The following HCN2 variants were observed in gnomAD, a reference collection of about 807,000 sequenced individuals.
HCN2 encodes the protein hyperpolarization activated cyclic nucleotide gated potassium and sodium channel 2.
Under a neutral mutation model 52.3 loss-of-function variants are expected in HCN2, and 20 were observed. The ratio of observed to expected loss-of-function variants is 0.38; its 90% CI spans 0.27 to 0.56. The LOEUF (loss-of-function observed/expected upper bound fraction) is 0.56. Ranked by LOEUF, HCN2 falls within the 20% of genes least tolerant of loss-of-function variation. HCN2 has a pLI of 0.71. For missense variants in HCN2, 981 were observed against 1,207.7 expected, an observed-to-expected ratio of 0.81 and a Z score of 2.78; for synonymous variants, 694 against 537.0, an observed-to-expected ratio of 1.29 and a Z score of -4.04.
At position 616,971 on chromosome 19, in the gene HCN2, C is replaced by T; in HGVS notation, c.*497C>T. 4.3e-6 allele frequency: 2 copies of T among 460,846 alleles called. No individual in the cohort carries two copies. Among genetic ancestry groups the T allele is most frequent in the Non-Finnish European group, 8.0e-6 (2 of 250,434 alleles). The allele number at this position is 460,846 out of a possible 1,614,324, so 28.5% of individuals were successfully genotyped here. A position where few individuals can be genotyped will look rare whatever the true frequency, so the allele number is the denominator to read the frequency against. On this transcript the variant is annotated 3_prime_UTR_variant, in exon 8 of 8. Coordinates refer to ENST00000251287, the MANE Select transcript of HCN2 (RefSeq NM_001194.4). Reference sequence around the variant, plus strand: ...CCCCGGTGACCTCGGGGAGCAGCACCCCGCCTCCCTCCAGCACTGGCACCG... The same window carrying T: ...CCCCGGTGACCTCGGGGAGCAGCACTCCGCCTCCCTCCAGCACTGGCACCG...
chr19:615,661 C>T (rs1983868650), intron 7 of HCN2, 134 bp from the exon 8 acceptor site: 6 of 778,058 alleles, frequency 7.7e-6, no homozygotes, highest in East Asian at 2.6e-5. Context: ...TTATTGTATA[C>T]AGTAGGTGGT....
At chr19:607,665 C>T (rs1983467412) in intron 3 of HCN2, among the ~76,000 whole-genome samples, 1 of 152,234 alleles carries the variant, frequency 6.6e-6, no homozygotes, top group Admixed American at 6.5e-5. Context: ...CTTGACCTCA[C>T]AGATGCTCTG....
At position 615,986 on chromosome 19, in the gene HCN2, G is replaced by A. The variant is rs769405251; in HGVS notation, c.2182G>A (p.Ala728Thr). The change falls in exon 8 of 8, where the codon GCC (alanine) becomes ACC (threonine). Residue 728 changes from alanine (A) to threonine (T), a missense_variant. Transcript: ENST00000251287. ...PPPPQVTSAI[A>T]TLQQAAAMSF... Reference sequence around the variant, plus strand: ...GCCGCCGCAGGTCACCTCGGCCATCGCCACGCTGCAGCAGGCGGCGGCCAT... The same window carrying A: ...GCCGCCGCAGGTCACCTCGGCCATCACCACGCTGCAGCAGGCGGCGGCCAT... 8 of 1,588,544 alleles carry A rather than the reference G, an allele frequency of 5.0e-6. No individual in the cohort carries two copies. The highest frequency in any genetic ancestry group is 6.0e-6 in the Non-Finnish European group (7 of 1,171,252).
At chr19:613,720 G>GCGGGCACCGGCA in intron 6 of HCN2, 132 bp from the exon 7 acceptor site, 1 of 458,630 alleles carries the variant, frequency 2.2e-6, no homozygotes, top group East Asian at 4.6e-5. Context: ...TGGGGCCGGG[G>GCGGGCACCGGCA]CCGGCACCAG....
chr19:607,636 C>T (rs980206199), intron 3 of HCN2, among the ~76,000 whole-genome samples: 2 of 152,228 alleles, frequency 1.3e-5, no homozygotes, highest in Non-Finnish European at 2.9e-5. Flanking sequence ...CCAGATGCTC[C>T]CTGGAACTTT....
intron 5 of HCN2, among the ~76,000 whole-genome samples, chr19:610,974 C>T (rs1458040064): frequency 5.9e-5 from 9 of 152,138 alleles, no homozygotes; most frequent in African/African-American, 1.4e-4. Flanking sequence ...GGGCTCCAGG[C>T]GCCCTTGGCT....
At chr19:596,521 G>C (rs1409974652) in intron 1 of HCN2, among the ~76,000 whole-genome samples, 1 of 152,238 alleles carries the variant, frequency 6.6e-6, no homozygotes, top group Non-Finnish European at 1.5e-5. Flanking sequence ...CGTTTCCGAG[G>C]AAGGGGCCCT....
chr19:596,731 C>T (rs899529764), intron 1 of HCN2, among the ~76,000 whole-genome samples: 14 of 152,132 alleles, frequency 9.2e-5, no homozygotes, highest in African/African-American at 3.1e-4. Flanking sequence ...GGCTGCCGGA[C>T]GCGGCTGCAC....
intron 5 of HCN2, 118 bp from the exon 6 acceptor site, chr19:613,130 G>C: frequency 7.3e-7 from 1 of 1,360,766 alleles, no homozygotes; most frequent in Non-Finnish European, 9.9e-7. Flanking sequence ...CTACGGGGCT[G>C]AGCCCGTCTC....
In HCN2 at chr19:610,414, G is replaced by A. The variant is rs1358779804; in HGVS notation, c.1584+9G>A. ...ACGGGCCCCTGCGGGAGGTGAGGCG[G>A]GCGCCGGGCGGGCGGGAGGCAGCCT... On this transcript the variant is annotated intron_variant, in intron 5 of 7. Coordinates refer to ENST00000251287, the MANE Select transcript of HCN2 (RefSeq NM_001194.4). 3 of 1,611,104 alleles carry A rather than the reference G, an allele frequency of 1.9e-6. No homozygotes were observed. The highest frequency in any genetic ancestry group is 2.2e-5 in the South Asian group (2 of 90,944).
At chr19:611,309 G>A (rs528985930) in intron 5 of HCN2, among the ~76,000 whole-genome samples, 93 of 152,316 alleles carry the variant, frequency 6.1e-4, no homozygotes, top group African/African-American at 1.6e-3. Context: ...TAGGGATGGC[G>A]GCCGTGATCA....
chr19:610,740 T>C (rs1342882377), intron 5 of HCN2, among the ~76,000 whole-genome samples: 4 of 152,172 alleles, frequency 2.6e-5, no homozygotes, highest in African/African-American at 4.8e-5. Flanking sequence ...CTGAGGCTGA[T>C]TGGAGCGGGT....
At chr19:612,296 C>T (rs1983670174) in intron 5 of HCN2, among the ~76,000 whole-genome samples, 2 of 152,292 alleles carry the variant, frequency 1.3e-5, no homozygotes, top group Middle Eastern at 3.4e-3. Context: ...GGGAATTGCC[C>T]TGACTTCCCA....
At chr19:601,140 CTG>C (rs1181722625) in intron 1 of HCN2, among the ~76,000 whole-genome samples, 1 of 152,188 alleles carries the variant, frequency 6.6e-6, no homozygotes, top group Admixed American at 6.5e-5. Flanking sequence ...TGGTGAAACC[CTG>C]TCTCTACTAA....
intron 1 of HCN2, 32 bp from the exon 2 acceptor site, chr19:603,512 C>G (rs1290515994): frequency 1.3e-6 from 2 of 1,568,992 alleles, no homozygotes; most frequent in Non-Finnish European, 8.7e-7. Flanking sequence ...CGGGGAGGCA[C>G]CGGCCTGAGG....
Position 590,203 on chromosome 19 carries a change from C to T in HCN2, c.258C>T (p.Gly86=), listed in dbSNP as rs1260393542. The T allele has an allele frequency of 1.4e-5, 14 of 983,248 alleles. No homozygotes were observed. Among genetic ancestry groups the T allele is most frequent in the Non-Finnish European group, 1.7e-5 (14 of 830,616 alleles). 60.9% of individuals were successfully genotyped at this position (983,248 alleles called of 1,614,324 possible). Residue 86 remains glycine, a synonymous_variant, in exon 1 of 8, where the codon GGC becomes GGT. Transcript: ENST00000251287. This position sits in a 1 kb window ranked among gnomAD's most constrained non-coding sequence, Gnocchi z 7.2. The stretch of plus-strand genomic sequence containing the variant: ...GCGACAGCTCGTGCGGCCGCCCCGG[C>T]ACCCCGGGCGCGGCGAGCACGGCCA... The part of the protein sequence containing the change: ...RSRDSSCGRP[G]TPGAASTAKG...
intron 1 of HCN2, among the ~76,000 whole-genome samples, chr19:594,869 G>A (rs914730987): frequency 1.2e-4 from 18 of 152,096 alleles, no homozygotes; most frequent in African/African-American, 2.9e-4. Context: ...AGGCCTCCCC[G>A]CTCTCTTCAG....
rs181404630 is a variant in HCN2, at chr19:605,957, C to T, written c.1218+735C>T. 1.7e-3 allele frequency among the ~76,000 whole-genome samples: 254 copies of T among 152,294 alleles called. 6 individuals are homozygous for T. The South Asian group carries it at 0.027, about 16-fold the overall frequency. ...TAATGTCCCTGGGGGTCTGAAACAGCCACTTGGAACCTTTCAGGCCTGGGA... is the reference window on the plus strand; with the variant it reads ...TAATGTCCCTGGGGGTCTGAAACAGTCACTTGGAACCTTTCAGGCCTGGGA... On this transcript the variant is annotated intron_variant, in intron 3 of 7. Transcript: ENST00000251287.
chr19:613,884 G>A lies in HCN2; in HGVS notation c.1858G>A (p.Ala620Thr). The A allele has an allele frequency of 6.3e-7, 1 of 1,595,350 alleles. No individual in the cohort carries two copies. Among genetic ancestry groups the A allele is most frequent in the Non-Finnish European group, 8.5e-7 (1 of 1,171,406 alleles). ...ICLLTRGRRT[A>T]SVRADTYCRL... ...CCTGCTCACCCGGGGCCGCCGCACG[G>A]CGAGCGTGCGGGCTGACACCTACTG... Residue 620 changes from alanine (A) to threonine (T), a missense_variant, in exon 7 of 8, where the codon GCG (alanine) becomes ACG (threonine). Physicochemically the swap from Ala to Thr is moderately conservative, Grantham distance 58. Around this residue, in one of 6 missense-constraint regions of HCN2, gnomAD observed 85 missense variants for 106.1 expected, o/e 0.80. Coordinates refer to ENST00000251287, the MANE Select transcript of HCN2 (RefSeq NM_001194.4).
Sources: allele counts gnomAD v4.1 joint callset (sites outside exome capture counted in the v4.1 genomes callset), GRCh38; gene constraint gnomAD v4.1.1; regional missense constraint gnomAD v4.1.1; non-coding constraint Gnocchi (gnomAD v3.1); transcripts MANE v1.5; gene names NCBI Gene and HGNC (gene_info 2026-07-23, HGNC 2026-07-21).